GRM3: variants seen among roughly 807,000 people sequenced by gnomAD.
GRM3 encodes the protein glutamate metabotropic receptor 3, also known as metabotropic glutamate receptor 3.
Under a neutral mutation model 70.5 loss-of-function variants are expected in GRM3, and 26 were observed. The observed-to-expected ratio is 0.37, with a 90% CI of 0.27 to 0.51. The LOEUF is 0.51. GRM3 is among the 20% of genes least tolerant of loss of function. GRM3 has a pLI of 0.93. For missense variants in GRM3, 859 were observed against 1,123.8 expected (o/e 0.76, Z 3.37); for synonymous variants, 443 against 434.9 (o/e 1.02, Z -0.23).
intron 3 of GRM3, among the ~76,000 whole-genome samples, chr7:86,828,360 T>C (rs1186165586): frequency 6.6e-6 from 1 of 152,142 alleles, no homozygotes; most frequent in Non-Finnish European, 1.5e-5. Flanking sequence ...AATTTACTAT[T>C]ATATACAAAT....
intron 3 of GRM3, among the ~76,000 whole-genome samples, chr7:86,799,761 C>A (rs1482607883): frequency 6.6e-6 from 1 of 152,120 alleles, no homozygotes; most frequent in African/African-American, 2.4e-5. Flanking sequence ...GATCTCCTAA[C>A]CTTGTGATCT....
At chr7:86,828,111 C>CAAAAAAAAAAAAAAAAAAAAAAAAAA (rs55645713) in intron 3 of GRM3, among the ~76,000 whole-genome samples, 1 of 68,304 alleles carries the variant, frequency 1.5e-5, no homozygotes, top group African/African-American at 5.4e-5. Context: ...AACTCCGTAT[C>CAAAAAAAAAAAAAAAAAAAAAAAAAA]AAAAAAAAAA....
At chr7:86,858,442 C>G (rs970369524) in intron 5 of GRM3, among the ~76,000 whole-genome samples, 1 of 151,996 alleles carries the variant, frequency 6.6e-6, no homozygotes, top group African/African-American at 2.4e-5. Context: ...CAGGGTGGGG[C>G]CCCCATGATG....
intron 2 of GRM3, among the ~76,000 whole-genome samples, chr7:86,773,945 G>A (rs1272612807): frequency 1.3e-5 from 2 of 152,106 alleles, no homozygotes; most frequent in African/African-American, 4.8e-5. Flanking sequence ...GCAATAGGAT[G>A]GTCCAGGCTT....
intron 1 of GRM3, among the ~76,000 whole-genome samples, chr7:86,679,080 T>TA (rs936438848): frequency 5.9e-5 from 9 of 152,080 alleles, no homozygotes; most frequent in African/African-American, 2.2e-4. Context: ...TCGTATTGAT[T>TA]AATATGTCAT....
chr7:86,779,599 T>C (rs572971524), intron 2 of GRM3, among the ~76,000 whole-genome samples: 1 of 152,286 alleles, frequency 6.6e-6, no homozygotes, highest in Non-Finnish European at 1.5e-5. Context: ...GAGAACTTAG[T>C]GAATAATCTA....
intron 3 of GRM3, among the ~76,000 whole-genome samples, chr7:86,831,002 G>A (rs1367943952): frequency 6.6e-6 from 1 of 152,178 alleles, no homozygotes; most frequent in African/African-American, 2.4e-5. Context: ...GGAGCTAAGA[G>A]AGAGGCATGG....
intron 1 of GRM3, among the ~76,000 whole-genome samples, chr7:86,736,604 A>G (rs1287311966): frequency 3.3e-5 from 5 of 152,150 alleles, no homozygotes; most frequent in Non-Finnish European, 2.9e-5. Context: ...CTTTCCATCT[A>G]TGGCTCTGCC....
chr7:86,819,540 A>G (rs1397567639), intron 3 of GRM3, among the ~76,000 whole-genome samples: 1 of 152,134 alleles, frequency 6.6e-6, no homozygotes, highest in African/African-American at 2.4e-5. Context: ...AGCAGCAACA[A>G]TCAGAGATGG....
intron 1 of GRM3, among the ~76,000 whole-genome samples, chr7:86,730,508 A>T (rs1370770413): frequency 6.6e-6 from 1 of 152,246 alleles, no homozygotes; most frequent in Admixed American, 6.5e-5. Flanking sequence ...ATGGCCCAGC[A>T]GTTGACTTCT....
At chr7:86,677,092 C>T (rs1794324859) in intron 1 of GRM3, among the ~76,000 whole-genome samples, 1 of 151,936 alleles carries the variant, frequency 6.6e-6, no homozygotes, top group Admixed American at 6.6e-5. Flanking sequence ...GTTGGTATAA[C>T]TGTTTGGAGC....
rs867651316 is a variant in GRM3 at position 86,780,112 on chromosome 7, C to A, written c.469-6149C>A. Among the ~76,000 whole-genome samples, 31 of 152,222 alleles carry A rather than the reference C, an allele frequency of 2.0e-4. 1 individual carries two copies. Among genetic ancestry groups the A allele is most frequent in the African/African-American group, 7.0e-4 (29 of 41,526 alleles). ...TGTATATGTGTCACATTTTCTTAAT[C>A]CAGTCTATCATTGTTGGACATTTGG... On this transcript the variant is annotated intron_variant, in intron 2 of 5. Transcript: ENST00000361669.
chr7:86,696,694 A>AGTG (rs200448311), intron 1 of GRM3, among the ~76,000 whole-genome samples: 22,855 of 151,308 alleles, frequency 0.15, 1,853 homozygotes, highest in Non-Finnish European at 0.2. Flanking sequence ...CTGTAGTAAT[A>AGTG]GTGGTGGTGG....
intron 1 of GRM3, among the ~76,000 whole-genome samples, chr7:86,746,344 TATATATATA>T (rs1796103199): frequency 7.7e-5 from 4 of 51,992 alleles, no homozygotes; most frequent in African/African-American, 1.4e-4. Context: ...TCATGTATTA[TATATATATA>T]TATATATATA....
At chr7:86,710,955 C>T (rs976690314) in intron 1 of GRM3, among the ~76,000 whole-genome samples, 56 of 152,034 alleles carry the variant, frequency 3.7e-4, no homozygotes, top group African/African-American at 1.3e-3. Flanking sequence ...CCTGTTCCTC[C>T]TATCCAGGTT....
chr7:86,863,052 TAGAC>T (rs1341799441), intron 5 of GRM3, among the ~76,000 whole-genome samples: 1 of 152,094 alleles, frequency 6.6e-6, no homozygotes, highest in Non-Finnish European at 1.5e-5. Context: ...TATATACAAA[TAGAC>T]AGGCCAAGGG....
At chr7:86,858,905 TA>T (rs1358967020) in intron 5 of GRM3, among the ~76,000 whole-genome samples, 1 of 152,214 alleles carries the variant, frequency 6.6e-6, no homozygotes, top group Non-Finnish European at 1.5e-5. Context: ...GTTAACAGTT[TA>T]AAACCATTAT....
chr7:86,803,758 T>TTGTC (rs779653750), intron 3 of GRM3, among the ~76,000 whole-genome samples: 1 of 151,852 alleles, frequency 6.6e-6, no homozygotes, highest in African/African-American at 2.4e-5. Context: ...CAAGAGGTGT[T>TTGTC]TGTTTGTTTG....
chr7:86,824,082 G>A (rs1244891768), intron 3 of GRM3, among the ~76,000 whole-genome samples: 1 of 152,180 alleles, frequency 6.6e-6, no homozygotes, highest in African/African-American at 2.4e-5. Flanking sequence ...CCAGTTCTGA[G>A]AAGCTAGTTC....
Sources: gnomAD v4.1 joint callset for allele counts (sites outside exome capture counted in the v4.1 genomes callset) on GRCh38, gnomAD v4.1.1 for gene constraint, MANE v1.5 for transcripts, NCBI Gene and HGNC (gene_info 2026-07-23, HGNC 2026-07-21) for gene names.